SYNDIG1L: variants seen among roughly 807,000 people sequenced by gnomAD.
SYNDIG1L encodes synapse differentiation-inducing gene protein 1-like.
SYNDIG1L carries 13 observed loss-of-function variants against 20.1 expected under a neutral mutation model. That is an observed-to-expected ratio of 0.65 (90% CI 0.42 to 1.03). SYNDIG1L has a LOEUF of 1.03. Among genes scored for constraint, SYNDIG1L ranks in the 50% least tolerant of loss-of-function variants. The pLI, the probability that SYNDIG1L is intolerant of heterozygous loss-of-function variation, is 0.00. For missense variants in SYNDIG1L, 294 were observed against 305.1 expected, an observed-to-expected ratio of 0.96 and a Z score of 0.27; for synonymous variants, 128 against 129.3, an observed-to-expected ratio of 0.99 and a Z score of 0.07.
chr14:74,466,378 A>C, the SYNDIG1L span, among the ~76,000 whole-genome samples: 1 of 152,198 alleles, frequency 6.6e-6, no homozygotes, highest in African/African-American at 2.4e-5. Flanking sequence ...GGATGCATCC[A>C]TGCATAGATG....
At chr14:74,449,764 A>C in the SYNDIG1L span, among the ~76,000 whole-genome samples, 8 of 152,274 alleles carry the variant, frequency 5.3e-5, 1 homozygote, top group African/African-American at 1.7e-4. Context: ...GCAAATTTAT[A>C]GCATTAAACA....
chr14:74,434,858 G>T, the SYNDIG1L span, among the ~76,000 whole-genome samples: 1 of 150,908 alleles, frequency 6.6e-6, no homozygotes, highest in African/African-American at 2.4e-5. Flanking sequence ...GAGGCAGGTG[G>T]ATCATGAGGT....
At chr14:74,470,071 T>C in the SYNDIG1L span, among the ~76,000 whole-genome samples, 1 of 151,980 alleles carries the variant, frequency 6.6e-6, no homozygotes, top group South Asian at 2.1e-4. Context: ...AAGGAGAAAA[T>C]GCAGTCAGGA....
At chr14:74,438,182 A>C in the SYNDIG1L span, among the ~76,000 whole-genome samples, 1 of 152,204 alleles carries the variant, frequency 6.6e-6, no homozygotes, top group African/African-American at 2.4e-5. Context: ...AAAATGTATG[A>C]CTAGTCATCC....
At chr14:74,439,239 A>G in the SYNDIG1L span, among the ~76,000 whole-genome samples, 1 of 151,772 alleles carries the variant, frequency 6.6e-6, no homozygotes, top group Admixed American at 6.6e-5. Flanking sequence ...TTTCCCTCCC[A>G]TAGCACTCAG....
chr14:74,443,524 C>T, the SYNDIG1L span, among the ~76,000 whole-genome samples: 2 of 152,140 alleles, frequency 1.3e-5, no homozygotes, highest in Non-Finnish European at 1.5e-5. Context: ...CAGGCAGTAT[C>T]CTGAAAGTCT....
the SYNDIG1L span, chr14:74,476,454 C>G: frequency 1.5e-6 from 2 of 1,327,658 alleles, no homozygotes; most frequent in African/African-American, 2.9e-5. Context: ...CTTCTCCAAG[C>G]CCCTGCAGGT....
the SYNDIG1L span, chr14:74,476,404 A>T: frequency 1.2e-6 from 1 of 844,608 alleles, no homozygotes; most frequent in Admixed American, 2.0e-5. Context: ...TATCTGGGAC[A>T]TATGATTTGT....
At chr14:74,475,667 G>GA in the SYNDIG1L span, among the ~76,000 whole-genome samples, 19 of 150,970 alleles carry the variant, frequency 1.3e-4, no homozygotes, top group East Asian at 3.9e-4. Flanking sequence ...AAGATTAGGA[G>GA]AAAAAAAAAT....
chr14:74,424,516 G>A (rs1487679580), intron 1 of SYNDIG1L, among the ~76,000 whole-genome samples: 5 of 152,064 alleles, frequency 3.3e-5, no homozygotes, highest in African/African-American at 1.2e-4. Context: ...GTGGTTCTTA[G>A]GGAGAAAAAA....
rs534399997 is a variant in SYNDIG1L at position 74,411,324 on chromosome 14, TGA to T, written c.-57-1525_-57-1524del. The stretch of plus-strand genomic sequence containing the variant: ...TGGGATGAGAATGTGTGGTAGATTT[TGA>T]GAGAGGGGGCTGCTGCCGCCCTGAC... On this transcript the variant is annotated intron_variant, in intron 1 of 3. Transcript: ENST00000331628. 1.8e-3 allele frequency among the ~76,000 whole-genome samples: 274 copies of T among 152,346 alleles called. 3 individuals carry two copies. The highest frequency in any genetic ancestry group is 6.3e-3 in the African/African-American group (263 of 41,582).
the SYNDIG1L span, among the ~76,000 whole-genome samples, chr14:74,448,690 T>C: frequency 6.6e-6 from 1 of 152,186 alleles, no homozygotes; most frequent in Non-Finnish European, 1.5e-5. Flanking sequence ...TGTTCTCTGA[T>C]CATAATGGAA....
the SYNDIG1L span, among the ~76,000 whole-genome samples, chr14:74,441,713 A>G: frequency 6.6e-6 from 1 of 152,022 alleles, no homozygotes; most frequent in Non-Finnish European, 1.5e-5. Context: ...GGGTCTCAGT[A>G]TATTTCTCAG....
chr14:74,407,945 G>A lies in SYNDIG1L; in HGVS notation c.462C>T (p.Leu154=). The A allele has an allele frequency of 6.2e-7, 1 of 1,613,826 alleles. No individual in the cohort carries two copies. The highest frequency in any genetic ancestry group is 8.5e-7 in the Non-Finnish European group (1 of 1,179,818). Residue 154 remains leucine, a synonymous_variant, in exon 3 of 4, where the codon CTC becomes CTT. Transcript: ENST00000331628. ...CCAGGTGGTCCCTGGGAGGCAGCGT[G>A]AGGAAGTTGTCTTCACTTTCACTCT... The part of the protein sequence containing the change: ...STESESEDNF[L]TLPPRDHLGL...
chr14:74,454,766 G>C, the SYNDIG1L span, among the ~76,000 whole-genome samples: 6 of 152,154 alleles, frequency 3.9e-5, no homozygotes, highest in East Asian at 1.2e-3. Context: ...AGAACCATCC[G>C]ACCCTTCAGA....
the SYNDIG1L span, among the ~76,000 whole-genome samples, chr14:74,432,430 A>G: frequency 2.0e-5 from 3 of 152,242 alleles, no homozygotes; most frequent in South Asian, 6.2e-4. Context: ...TTCCAGCACA[A>G]ACTGTGGGCC....
chr14:74,426,648 A>G (rs961091857), upstream of SYNDIG1L, among the ~76,000 whole-genome samples: 2 of 152,080 alleles, frequency 1.3e-5, no homozygotes, highest in Non-Finnish European at 2.9e-5. Flanking sequence ...TAATCAACAT[A>G]AGCTCATTTA....
intron 1 of SYNDIG1L, among the ~76,000 whole-genome samples, chr14:74,414,724 A>G (rs185276473): frequency 3.3e-5 from 5 of 152,300 alleles, no homozygotes; most frequent in African/African-American, 1.2e-4. Context: ...GTTTTTGACC[A>G]TGTGCCGGGA....
chr14:74,408,489 G>A (rs1326885996), intron 2 of SYNDIG1L, among the ~76,000 whole-genome samples: 1 of 151,822 alleles, frequency 6.6e-6, no homozygotes, highest in Non-Finnish European at 1.5e-5. Flanking sequence ...GCCTGAACCT[G>A]GGAGGCGGGG....
Sources: gnomAD v4.1 joint callset for allele counts (sites outside exome capture counted in the v4.1 genomes callset) on GRCh38, gnomAD v4.1.1 for gene constraint, MANE v1.5 for transcripts, NCBI Gene and HGNC (gene_info 2026-07-23, HGNC 2026-07-21) for gene names.